Variants in GNAO1 observed in about 807,000 individuals in gnomAD.
GNAO1 encodes the protein guanine nucleotide-binding protein G(o) subunit alpha.
For missense variants in GNAO1, 166 were observed against 478.7 expected (o/e 0.35, Z 6.10); for synonymous variants, 164 against 180.7 (o/e 0.91, Z 0.74).
At chr16:56,216,290 G>A (rs1348001331) in intron 2 of GNAO1, among the ~76,000 whole-genome samples, 1 of 152,184 alleles carries the variant, frequency 6.6e-6, no homozygotes, top group African/African-American at 2.4e-5. Flanking sequence ...GTTAAGCAAA[G>A]GAAGTCCCAG....
intron 3 of GNAO1, among the ~76,000 whole-genome samples, chr16:56,295,679 G>T (rs932118608): frequency 6.6e-5 from 10 of 152,056 alleles, no homozygotes; most frequent in African/African-American, 2.4e-4. Flanking sequence ...CCTTCCTCTC[G>T]CTGCCCAGGC....
At position 56,351,643 on chromosome 16, in the gene GNAO1, G is replaced by T; in HGVS notation, c.877+106G>T. On this transcript the variant is annotated intron_variant, in intron 7 of 8. Coordinates refer to ENST00000262493, the MANE Select transcript of GNAO1 (RefSeq NM_020988.3). This position sits in a 1 kb window ranked among gnomAD's most constrained non-coding sequence, Gnocchi z 6.1. ...GCACTGCTGGGGCTAGCTGGCGAGC[G>T]GGACCCATTGCAGGAGACTGGTGGG... The T allele has an allele frequency of 1.2e-6, 1 of 865,418 alleles. No individual in the cohort carries two copies. The highest frequency in any genetic ancestry group is 1.6e-5 in the South Asian group (1 of 62,736). The allele number at this position is 865,418 out of a possible 1,614,324, so 53.6% of individuals were successfully genotyped here.
intron 2 of GNAO1, among the ~76,000 whole-genome samples, chr16:56,215,565 A>T (rs1334824298): frequency 1.3e-5 from 2 of 152,202 alleles, no homozygotes; most frequent in Non-Finnish European, 2.9e-5. Context: ...GGAACATAAT[A>T]AGATAATTGT....
intron 3 of GNAO1, among the ~76,000 whole-genome samples, chr16:56,327,284 C>T (rs951659236): frequency 6.6e-6 from 1 of 152,110 alleles, no homozygotes; most frequent in East Asian, 1.9e-4. Context: ...GAAACACGGC[C>T]TCTCAAGGAG....
At chr16:56,330,976 G>A (rs552833930) in intron 4 of GNAO1, among the ~76,000 whole-genome samples, 14 of 152,340 alleles carry the variant, frequency 9.2e-5, no homozygotes, top group African/African-American at 2.2e-4. Context: ...GGCCAGGGCC[G>A]GAAGGGCCTG....
At chr16:56,199,655 A>G (rs1010663308) in intron 2 of GNAO1, among the ~76,000 whole-genome samples, 2 of 152,194 alleles carry the variant, frequency 1.3e-5, no homozygotes, top group Non-Finnish European at 2.9e-5. Context: ...TTCATCTGTT[A>G]ATTGGGATGT....
In GNAO1 at chr16:56,287,602, C is replaced by G. The variant is rs142163533; in HGVS notation, c.303+11530C>G. ...ACCTCACTGCCTGTTAGTGAAGGGC[C>G]AGGACAGGAGCCTGGGTGTGACAAT... On this transcript the variant is annotated intron_variant, in intron 3 of 8. Coordinates refer to ENST00000262493, the MANE Select transcript of GNAO1 (RefSeq NM_020988.3). 3.4e-3 allele frequency among the ~76,000 whole-genome samples: 523 copies of G among 152,314 alleles called. 3 individuals carry two copies. The highest frequency in any genetic ancestry group is 6.1e-3 in the Non-Finnish European group (415 of 68,032).
intron 4 of GNAO1, 52 bp from the exon 5 acceptor site, chr16:56,334,677 G>T: frequency 3.1e-6 from 5 of 1,603,008 alleles, no homozygotes; most frequent in Non-Finnish European, 4.3e-6. Flanking sequence ...GGCCAGTCCC[G>T]AACAGTGTCC....
intron 3 of GNAO1, among the ~76,000 whole-genome samples, chr16:56,324,369 T>C (rs2037609012): frequency 6.6e-6 from 1 of 152,136 alleles, no homozygotes; most frequent in Admixed American, 6.5e-5. Context: ...TGCTCTCAGG[T>C]CCTGACTTGT....
intron 3 of GNAO1, among the ~76,000 whole-genome samples, chr16:56,320,769 C>T (rs1216807056): frequency 6.6e-6 from 1 of 152,184 alleles, no homozygotes; most frequent in East Asian, 1.9e-4. Flanking sequence ...GGTTTTCCCT[C>T]ACACACACAG....
intron 3 of GNAO1, chr16:56,307,013 TCTC>T (rs1390038563): frequency 2.0e-5 from 3 of 151,976 alleles, no homozygotes; most frequent in African/African-American, 7.2e-5. Flanking sequence ...GGTAGCGACT[TCTC>T]CTTGGAGAGT....
At chr16:56,224,302 G>T (rs544634549) in intron 2 of GNAO1, among the ~76,000 whole-genome samples, 1 of 152,144 alleles carries the variant, frequency 6.6e-6, no homozygotes, top group African/African-American at 2.4e-5. Context: ...CTTTCTTCCT[G>T]CAGTGGCCTT....
At chr16:56,230,017 A>G (rs1404100157) in intron 2 of GNAO1, among the ~76,000 whole-genome samples, 6 of 152,194 alleles carry the variant, frequency 3.9e-5, no homozygotes, top group Middle Eastern at 3.4e-3. Context: ...TTAAAAATCC[A>G]TGTGAATTTC....
chr16:56,265,473 T>C (rs2036942609), intron 2 of GNAO1, among the ~76,000 whole-genome samples: 1 of 152,224 alleles, frequency 6.6e-6, no homozygotes, highest in African/African-American at 2.4e-5. Context: ...CAGTTCAGTG[T>C]AGAAAACAAC....
At chr16:56,194,592 T>C in intron 2 of GNAO1, 1 of 216,738 alleles carries the variant, frequency 4.6e-6, no homozygotes, top group Non-Finnish European at 9.6e-6. Context: ...TCGGCGGTGT[T>C]CGGAGCCGAG....
At chr16:56,215,993 C>T (rs1024041642) in intron 2 of GNAO1, among the ~76,000 whole-genome samples, 1 of 152,160 alleles carries the variant, frequency 6.6e-6, no homozygotes, top group East Asian at 1.9e-4. Context: ...ACCTCTGCTC[C>T]CTATCTCTAC....
chr16:56,244,507 C>T (rs1162710741), intron 2 of GNAO1, among the ~76,000 whole-genome samples: 2 of 152,066 alleles, frequency 1.3e-5, no homozygotes, highest in South Asian at 2.1e-4. Flanking sequence ...TTAGCAGTCA[C>T]GTATCTGACT....
chr16:56,230,006 T>C (rs572740733), intron 2 of GNAO1, among the ~76,000 whole-genome samples: 9 of 152,242 alleles, frequency 5.9e-5, no homozygotes, highest in Admixed American at 3.9e-4. Flanking sequence ...GGCTTTTTAT[T>C]TTAAAAATCC....
At chr16:56,345,943 C>T in intron 6 of GNAO1, 1 of 985,556 alleles carries the variant, frequency 1.0e-6, no homozygotes, top group East Asian at 1.1e-4. Context: ...TCCATGTCCC[C>T]CAGCAGCCGC....
Sources: gnomAD v4.1 joint callset for allele counts (sites outside exome capture counted in the v4.1 genomes callset) on GRCh38, gnomAD v4.1.1 for gene constraint, Gnocchi (gnomAD v3.1) non-coding constraint, MANE v1.5 for transcripts, NCBI Gene and HGNC (gene_info 2026-07-23, HGNC 2026-07-21) for gene names.